The following NECTIN1 variants were observed in gnomAD, a reference collection of about 807,000 sequenced individuals.
NECTIN1 encodes nectin cell adhesion molecule 1.
A neutral mutation model predicts 48.0 loss-of-function variants in NECTIN1; 23 were observed. The ratio of observed to expected loss-of-function variants is 0.48; its 90% CI spans 0.34 to 0.68. The LOEUF (loss-of-function observed/expected upper bound fraction) is 0.68. Among genes scored for constraint, NECTIN1 ranks in the 30% least tolerant of loss-of-function variants. NECTIN1 has a pLI of 0.01. For missense variants in NECTIN1, 591 were observed against 709.9 expected (o/e 0.83, Z 1.90); for synonymous variants, 270 against 288.9 (o/e 0.93, Z 0.66).
chr11:119,678,000 T>G lies in NECTIN1; in HGVS notation c.431-143A>C. 1.2e-6 allele frequency: 1 copy of G among 816,672 alleles called. No homozygotes were observed. The highest frequency in any genetic ancestry group is 2.0e-6 in the Non-Finnish European group (1 of 489,642). The allele number at this position is 816,672 out of a possible 1,614,324, so 50.6% of individuals were successfully genotyped here. On this transcript the variant is annotated intron_variant, in intron 2 of 5. Transcript: ENST00000264025. The surrounding 1 kb of genome is among the most constrained non-coding windows in gnomAD (Gnocchi z 5.4). The stretch of plus-strand genomic sequence containing the variant: ...CTCTCAGCTGTGCTGCACCAAAGAC[T>G]GTCCCAGAACCTCTTGCAGGAAGTT...
At chr11:119,657,641 C>T (rs999648288), downstream of NECTIN1, among the ~76,000 whole-genome samples, 22 of 143,832 alleles carry the variant, frequency 1.5e-4, no homozygotes, top group Non-Finnish European at 2.9e-4. Flanking sequence ...AAGCCTGTTA[C>T]GGGGCTCACA....
chr11:119,728,394 T>C, intron 1 of NECTIN1, 81 bp downstream of exon 1: 1 of 1,378,400 alleles, frequency 7.3e-7, no homozygotes, highest in African/African-American at 1.4e-5. Flanking sequence ...CTCCCCACAA[T>C]CCAGTCGTGC....
chr11:119,720,073 C>T (rs1453002874), intron 1 of NECTIN1, among the ~76,000 whole-genome samples: 1 of 152,192 alleles, frequency 6.6e-6, no homozygotes, highest in African/African-American at 2.4e-5. Context: ...GCTGTGCCCC[C>T]TCAGATGTGC....
intron 1 of NECTIN1, among the ~76,000 whole-genome samples, chr11:119,691,446 T>TG (rs1240706904): frequency 1.3e-5 from 2 of 152,164 alleles, no homozygotes; most frequent in Non-Finnish European, 2.9e-5. Flanking sequence ...CATGGGGTTT[T>TG]GGGGAGAGGC....
chr11:119,653,591 GGCACAGA>G (rs2135533729), intron 5 of NECTIN1, among the ~76,000 whole-genome samples: 1 of 152,314 alleles, frequency 6.6e-6, no homozygotes, highest in South Asian at 2.1e-4. Context: ...TAGCCAGGAA[GGCACAGA>G]GCTGGGATCC....
At chr11:119,675,444 G>A in intron 4 of NECTIN1, 134 bp from the exon 5 acceptor site, 1 of 767,162 alleles carries the variant, frequency 1.3e-6, no homozygotes, top group Non-Finnish European at 2.2e-6. Flanking sequence ...TTTGAAGGAA[G>A]AAAAATAATA....
chr11:119,727,337 C>A lies in NECTIN1; in HGVS notation c.79+1138G>T, dbSNP rs1037058339. On this transcript the variant is annotated intron_variant, in intron 1 of 5. Transcript: ENST00000264025. This position sits in a 1 kb window ranked among gnomAD's most constrained non-coding sequence, Gnocchi z 4.1. The stretch of plus-strand genomic sequence containing the variant: ...GAGGAGATGGTCTCTGTACACTGAC[C>A]CCCTATTCTGCCACCCCAAGGCGGG... Among the ~76,000 whole-genome samples the A allele has an allele frequency of 2.0e-5, 3 of 152,072 alleles. No individual in the cohort carries two copies. Among genetic ancestry groups the A allele is most frequent in the Admixed American group, 6.5e-5 (1 of 15,272 alleles).
chr11:119,647,797 T>A (rs931270777), intron 5 of NECTIN1, among the ~76,000 whole-genome samples: 1 of 152,066 alleles, frequency 6.6e-6, no homozygotes, highest in Non-Finnish European at 1.5e-5. Context: ...GCGCGGTGGC[T>A]CACGCCTGTA....
chr11:119,672,296 G>T lies in NECTIN1; in HGVS notation c.1003+2863C>A, dbSNP rs1368816345. 6.6e-6 allele frequency among the ~76,000 whole-genome samples: 1 copy of T among 152,182 alleles called. No individual in the cohort carries two copies. The highest frequency in any genetic ancestry group is 1.5e-5 in the Non-Finnish European group (1 of 68,010). ...CCTCCCGACACCCACAGGGATAGAG[G>T]CTGCCTCATCTGTTTTTTTTCAGTC... On this transcript the variant is annotated intron_variant, in intron 5 of 5. Transcript: ENST00000264025. This position sits in a 1 kb window ranked among gnomAD's most constrained non-coding sequence, Gnocchi z 4.3.
rs577139345 is a variant in NECTIN1, at chr11:119,714,885, C to A, written c.79+13590G>T. Among the ~76,000 whole-genome samples, 630 of 152,160 alleles carry A rather than the reference C, an allele frequency of 4.1e-3. 2 individuals are homozygous for A. Among genetic ancestry groups the A allele is most frequent in the South Asian group, 7.5e-3 (36 of 4,778 alleles). ...AGGCTGACATCCCTGGGCGTGGCAG[C>A]CCACATATGGAGCTGTTACTGGGGA... is the stretch of plus-strand genomic sequence containing the variant. On this transcript the variant is annotated intron_variant, in intron 1 of 5. Coordinates refer to ENST00000264025, the MANE Select transcript of NECTIN1 (RefSeq NM_002855.5).
At chr11:119,654,451 A>G (rs1864538220) in intron 5 of NECTIN1, among the ~76,000 whole-genome samples, 1 of 151,366 alleles carries the variant, frequency 6.6e-6, no homozygotes, top group Non-Finnish European at 1.5e-5. Context: ...ACAATTCCTC[A>G]CCCCTCCACC....
intron 1 of NECTIN1, among the ~76,000 whole-genome samples, chr11:119,697,188 T>C (rs1247197266): frequency 6.6e-6 from 1 of 152,208 alleles, no homozygotes; most frequent in African/African-American, 2.4e-5. Flanking sequence ...TGGGAACTGG[T>C]TCTTGACTCA....
intron 5 of NECTIN1, among the ~76,000 whole-genome samples, chr11:119,651,083 A>G (rs1385997891): frequency 1.3e-5 from 2 of 152,184 alleles, no homozygotes. Context: ...GTTGAACTAC[A>G]GGGACAAAAG....
Position 119,678,325 on chromosome 11 carries a change from T to A in NECTIN1, c.430+90A>T. ...TGGCAGCATGCCCACCCAAGGGGGA[T>A]GTCTGGGGTCATTGAGGCATCCTGA... On this transcript the variant is annotated intron_variant, in intron 2 of 5. Transcript: ENST00000264025. The surrounding 1 kb of genome is among the most constrained non-coding windows in gnomAD (Gnocchi z 4.4). 8.4e-7 allele frequency: 1 copy of A among 1,193,456 alleles called. No individual in the cohort carries two copies. Among genetic ancestry groups the A allele is most frequent in the Non-Finnish European group, 1.2e-6 (1 of 802,952 alleles). The allele number at this position is 1,193,456 out of a possible 1,614,324, so 73.9% of individuals were successfully genotyped here. A position where few individuals can be genotyped will look rare whatever the true frequency, so the allele number is the denominator to read the frequency against.
At position 119,639,751 on chromosome 11, in the gene NECTIN1, G is replaced by A; in HGVS notation, c.1151+114C>T. On this transcript the variant is annotated intron_variant, in intron 6 of 7. Coordinates refer to the NECTIN1 transcript ENST00000341398. ...AGTTCCTGGTCCCCCAGGGTGGGGAGGCCCTAGAAAGGCCCTGAGCTTTCA... is the reference window on the plus strand; with the variant it reads ...AGTTCCTGGTCCCCCAGGGTGGGGAAGCCCTAGAAAGGCCCTGAGCTTTCA... 5.0e-6 allele frequency: 7 copies of A among 1,388,246 alleles called. No individual in the cohort carries two copies. The South Asian group carries it at 8.3e-5, about 17-fold the overall frequency. The allele number at this position is 1,388,246 out of a possible 1,614,324, so 86.0% of individuals were successfully genotyped here.
chr11:119,679,890 C>T (rs1865028530), intron 1 of NECTIN1, among the ~76,000 whole-genome samples: 1 of 152,162 alleles, frequency 6.6e-6, no homozygotes, highest in Non-Finnish European at 1.5e-5. Context: ...TGATCTTCCC[C>T]ACCAGAGCTA....
At chr11:119,647,186 T>C (rs1206253809) in intron 5 of NECTIN1, among the ~76,000 whole-genome samples, 286 of 119,884 alleles carry the variant, frequency 2.4e-3, no homozygotes, top group African/African-American at 7.7e-3. Flanking sequence ...TGTGTGTGTG[T>C]GTGTGTGTGT....
intron 1 of NECTIN1, among the ~76,000 whole-genome samples, chr11:119,721,824 C>T (rs944970504): frequency 1.3e-5 from 2 of 152,206 alleles, no homozygotes; most frequent in African/African-American, 4.8e-5. Context: ...CTTCCCTGGC[C>T]CCCAGGAACG....
At chr11:119,643,669 C>G (rs998379500) in intron 5 of NECTIN1, among the ~76,000 whole-genome samples, 11 of 152,210 alleles carry the variant, frequency 7.2e-5, no homozygotes, top group African/African-American at 2.7e-4. Context: ...GGTGCTGGCC[C>G]CAGCCAGAAC....
Sources: gnomAD v4.1 joint callset for allele counts (sites outside exome capture counted in the v4.1 genomes callset) on GRCh38, gnomAD v4.1.1 for gene constraint, Gnocchi (gnomAD v3.1) non-coding constraint, MANE v1.5 for transcripts, NCBI Gene and HGNC (gene_info 2026-07-23, HGNC 2026-07-21) for gene names.